The following ELN variants were observed in gnomAD, a reference collection of about 807,000 sequenced individuals.
ELN encodes the protein tropoelastin.
In ELN, 65 loss-of-function variants were observed where a neutral mutation model predicts 105.8. The observed-to-expected ratio is 0.61, with a 90% CI of 0.50 to 0.75. ELN has a LOEUF of 0.75. ELN is among the 30% of genes least tolerant of loss of function. ELN has a pLI of 0.00. For synonymous variants in ELN, 368 were observed against 389.2 expected, an observed-to-expected ratio of 0.95 and a Z score of 0.64; for missense variants, 882 against 969.4, an observed-to-expected ratio of 0.91 and a Z score of 1.20.
chr7:74,039,037 A>G (rs1790583852), intron 4 of ELN, among the ~76,000 whole-genome samples: 1 of 152,114 alleles, frequency 6.6e-6, no homozygotes, highest in African/African-American at 2.4e-5. Flanking sequence ...AGTGGTGCAG[A>G]GGTGTGGAGG....
At chr7:74,058,073 TTTC>T (rs1348080714) in intron 22 of ELN, among the ~76,000 whole-genome samples, 2 of 151,318 alleles carry the variant, frequency 1.3e-5, no homozygotes, top group South Asian at 2.1e-4. Flanking sequence ...CTTCTTCTTC[TTTC>T]TTCTCCTCCT....
At position 74,032,313 on chromosome 7, in the gene ELN, A is replaced by C. The variant is rs182062346; in HGVS notation, c.83-3051A>C. Among the ~76,000 whole-genome samples, 84 of 152,336 alleles carry C rather than the reference A, an allele frequency of 5.5e-4. No individual in the cohort carries two copies. The East Asian group carries it at 0.016, about 29-fold the overall frequency. On this transcript the variant is annotated intron_variant, in intron 1 of 32. Coordinates refer to ENST00000252034, the MANE Select transcript of ELN (RefSeq NM_000501.4). ...GGAGAGCCGTGGGCTCGGGAAAGGC[A>C]GGCGGGAGAGTCTGAGCTCAGCCCT...
At chr7:74,029,605 G>A (rs1788214658) in intron 1 of ELN, among the ~76,000 whole-genome samples, 2 of 152,276 alleles carry the variant, frequency 1.3e-5, no homozygotes, top group East Asian at 3.9e-4. Flanking sequence ...AGATTGAACA[G>A]CTTCCTGTGC....
At chr7:74,068,606 C>T (rs771402968) in intron 32 of ELN, 51 bp from the exon 33 acceptor site, 23 of 1,612,276 alleles carry the variant, frequency 1.4e-5, no homozygotes, top group Non-Finnish European at 2.0e-5. Context: ...GGATTAGAGC[C>T]GAAACTGAGA....
chr7:74,048,414 G>A, intron 14 of ELN, 89 bp from the exon 15 acceptor site: 3 of 1,595,880 alleles, frequency 1.9e-6, no homozygotes, highest in Non-Finnish European at 2.6e-6. Context: ...CATGTCAGTG[G>A]ATTGGCTCTC....
In ELN at chr7:74,048,865, G is replaced by A. The variant is rs570565275; in HGVS notation, c.799+309G>A. Among the ~76,000 whole-genome samples, 42 of 139,692 alleles carry A rather than the reference G, an allele frequency of 3.0e-4. No homozygotes were observed. The East Asian group carries it at 5.7e-3, about 19-fold the overall frequency. The allele number at this position is 139,692 out of a possible 152,430, so 91.6% of individuals were successfully genotyped here. On this transcript the variant is annotated intron_variant, in intron 15 of 32. Transcript: ENST00000252034. ...CATCCATGCATCCATCCACTCATCC[G>A]TCCATTCATTCATCCATCCATCTCT...
intron 32 of ELN, among the ~76,000 whole-genome samples, chr7:74,067,661 C>A (rs920801946): frequency 2.0e-5 from 3 of 151,218 alleles, no homozygotes; most frequent in Admixed American, 1.3e-4. Flanking sequence ...TGGTGTGAAC[C>A]CGGGAGGCGG....
At chr7:74,066,329 G>A (rs1328187877) in intron 31 of ELN, among the ~76,000 whole-genome samples, 1 of 152,212 alleles carries the variant, frequency 6.6e-6, no homozygotes, top group Non-Finnish European at 1.5e-5. Context: ...CACTTTGGGA[G>A]GCCTAGGTGG....
At chr7:74,043,295 A>G in intron 8 of ELN, 127 bp downstream of exon 8, 1 of 1,381,284 alleles carries the variant, frequency 7.2e-7, no homozygotes, top group Non-Finnish European at 9.9e-7. Context: ...AGTCGGGCAG[A>G]GAAACTAGCC....
Position 74,068,714 on chromosome 7 carries a change from C to G in ELN, c.*14C>G. 6.2e-7 allele frequency: 1 copy of G among 1,613,980 alleles called. No homozygotes were observed. The highest frequency in any genetic ancestry group is 8.5e-7 in the Non-Finnish European group (1 of 1,179,956). ...AAGAGAAAATGAGCTTCCTAGGACC[C>G]CTGACTCACGACCTCATCAACGTTG... is the stretch of plus-strand genomic sequence containing the variant. On this transcript the variant is annotated 3_prime_UTR_variant, in exon 33 of 33. Coordinates refer to ENST00000252034, the MANE Select transcript of ELN (RefSeq NM_000501.4).
Position 74,051,945 on chromosome 7 carries a change from C to T in ELN, c.911C>T (p.Ala304Val). 1.2e-6 allele frequency: 2 copies of T among 1,612,846 alleles called. No individual in the cohort carries two copies. Among genetic ancestry groups the T allele is most frequent in the Non-Finnish European group, 1.7e-6 (2 of 1,179,926 alleles). The part of the protein sequence containing the change: ...GIAGVGTPAA[A>V]AAAAAAAKAA... Reference sequence around the variant, plus strand: ...TCAGGCGTTGGGACTCCAGCTGCAGCTGCAGCTGCAGCAGCAGCCGCTAAG... The same window carrying T: ...TCAGGCGTTGGGACTCCAGCTGCAGTTGCAGCTGCAGCAGCAGCCGCTAAG... The change falls in exon 17 of 33, where the codon GCT (alanine) becomes GTT (valine). Residue 304 changes from alanine to valine, a missense_variant. Transcript: ENST00000252034.
intron 3 of ELN, 32 bp from the exon 4 acceptor site, chr7:74,037,675 A>G: frequency 1.2e-6 from 2 of 1,607,968 alleles, no homozygotes; most frequent in South Asian, 1.1e-5. Flanking sequence ...AAGCTGGGCC[A>G]CCCCATTCAC....
intron 2 of ELN, among the ~76,000 whole-genome samples, chr7:74,036,097 T>A (rs1482462007): frequency 2.0e-5 from 3 of 152,030 alleles, no homozygotes. Flanking sequence ...AAGACCATCC[T>A]GGCTAACACG....
intron 2 of ELN, 71 bp downstream of exon 2, chr7:74,035,485 T>G: frequency 6.4e-7 from 1 of 1,570,016 alleles, no homozygotes; most frequent in East Asian, 2.2e-5. Flanking sequence ...GATGCACATT[T>G]TGACACTACA....
chr7:74,067,748 G>A (rs192493098), intron 32 of ELN, among the ~76,000 whole-genome samples: 102 of 145,622 alleles, frequency 7.0e-4, no homozygotes, highest in African/African-American at 2.3e-3. Flanking sequence ...GGGCGGCACA[G>A]CAAGACTCCG....
In ELN at chr7:74,069,364, G is replaced by T; in HGVS notation, c.*664G>T. The T allele has an allele frequency of 4.2e-6, 1 of 236,158 alleles. No individual in the cohort carries two copies. Among genetic ancestry groups the T allele is most frequent in the East Asian group, 6.0e-5 (1 of 16,622 alleles). The allele number at this position is 236,158 out of a possible 1,614,324, so 14.6% of individuals were successfully genotyped here. On this transcript the variant is annotated 3_prime_UTR_variant, in exon 33 of 33. Coordinates refer to ENST00000252034, the MANE Select transcript of ELN (RefSeq NM_000501.4). ...CATCCGTCCATTCATCCATCGGTCC[G>T]TCCATCCATGTCCCCAGTTGACCGC...
intron 29 of ELN, among the ~76,000 whole-genome samples, chr7:74,065,065 A>AC (rs141630252): frequency 0.084 from 12,324 of 147,008 alleles, 642 homozygotes; most frequent in South Asian, 0.16. Context: ...ATGTAGCAAG[A>AC]CCCCCCCCCA....
intron 19 of ELN, among the ~76,000 whole-genome samples, chr7:74,055,888 G>A (rs553195293): frequency 1.4e-3 from 209 of 152,170 alleles, no homozygotes; most frequent in Middle Eastern, 0.01. Context: ...CTGGGTTCAA[G>A]TGATTCTCCT....
At position 74,036,536 on chromosome 7, in the gene ELN, T is replaced by C. The variant is rs535249280; in HGVS notation, c.134-19T>C. 508 of 1,613,898 alleles carry C rather than the reference T, an allele frequency of 3.1e-4. 5 individuals carry two copies. In the South Asian group the frequency reaches 5.3e-3, roughly 17 times the overall value. On this transcript the variant is annotated intron_variant, in intron 2 of 32. Coordinates refer to ENST00000252034, the MANE Select transcript of ELN (RefSeq NM_000501.4). ...CAGAAGTACCGATGATCTCTCTTTC[T>C]CTTTCTCTCCCCCCACAGGGGCTGG... is the stretch of plus-strand genomic sequence containing the variant.
Sources: allele counts gnomAD v4.1 joint callset (sites outside exome capture counted in the v4.1 genomes callset), GRCh38; gene constraint gnomAD v4.1.1; transcripts MANE v1.5; gene names NCBI Gene and HGNC (gene_info 2026-07-23, HGNC 2026-07-21).